The following MAPKAPK2 variants were observed in gnomAD, a reference collection of about 807,000 sequenced individuals.
MAPKAPK2 encodes the protein MAPK activated protein kinase 2.
MAPKAPK2 carries 9 observed loss-of-function variants against 48.8 expected under a neutral mutation model. That is an observed-to-expected ratio of 0.18 (90% CI 0.11 to 0.32). The LOEUF (loss-of-function observed/expected upper bound fraction) is 0.32, where lower values mean the gene tolerates loss of function less well. Among genes scored for constraint, MAPKAPK2 ranks in the 10% least tolerant of loss-of-function variants. The pLI is 1.00. For missense variants in MAPKAPK2, 331 were observed against 498.3 expected, an observed-to-expected ratio of 0.66 and a Z score of 3.20; for synonymous variants, 202 against 190.6, an observed-to-expected ratio of 1.06 and a Z score of -0.49.
chr1:206,707,576 T>C (rs1260216657), intron 1 of MAPKAPK2, among the ~76,000 whole-genome samples: 2 of 152,156 alleles, frequency 1.3e-5, no homozygotes, highest in Admixed American at 6.5e-5. Flanking sequence ...TAGCCCTCAC[T>C]GTGTTAATGG....
intron 1 of MAPKAPK2, among the ~76,000 whole-genome samples, chr1:206,714,658 G>A (rs1558582150): frequency 6.6e-6 from 1 of 151,062 alleles, no homozygotes; most frequent in Admixed American, 6.6e-5. Flanking sequence ...CCAGCCACTC[G>A]GGAGGCTGAG....
Position 206,711,792 on chromosome 1 carries a change from T to C in MAPKAPK2, c.280-16918T>C, listed in dbSNP as rs74941856. 9.1e-3 allele frequency among the ~76,000 whole-genome samples: 1,377 copies of C among 151,980 alleles called. 30 individuals carry two copies. Among genetic ancestry groups the C allele is most frequent in the African/African-American group, 0.031 (1,295 of 41,434 alleles). On this transcript the variant is annotated intron_variant, in intron 1 of 9. Transcript: ENST00000367103. ...GCCACCACACCCAGCTAGTTTTTTC[T>C]GTATTTTATTCGTAGAGACAGGGTT... is the stretch of plus-strand genomic sequence containing the variant.
intron 1 of MAPKAPK2, among the ~76,000 whole-genome samples, chr1:206,707,044 C>T (rs1553428690): frequency 6.6e-6 from 1 of 152,190 alleles, no homozygotes; most frequent in Non-Finnish European, 1.5e-5. Context: ...GAGGGAACGG[C>T]ACTGCAGCCG....
rs555434772 is a variant in MAPKAPK2, at chr1:206,712,723, T to G, written c.280-15987T>G. 1.7e-3 allele frequency among the ~76,000 whole-genome samples: 264 copies of G among 152,186 alleles called. 2 individuals carry two copies. Among genetic ancestry groups the G allele is most frequent in the Admixed American group, 0.016 (241 of 15,282 alleles). ...CATGCCTGCTGTAATCCCAGTATTT[T>G]GGGAGGCCGAGGTGGGTGAATGACT... On this transcript the variant is annotated intron_variant, in intron 1 of 9. Coordinates refer to ENST00000367103, the MANE Select transcript of MAPKAPK2 (RefSeq NM_032960.4).
rs1345589116 is a variant in MAPKAPK2 at position 206,685,019 on chromosome 1, A to AGGGC, written c.-209_-206dup. The AGGGC allele has an allele frequency of 2.7e-5, 4 of 148,258 alleles. No homozygotes were observed. Among genetic ancestry groups the AGGGC allele is most frequent in the Non-Finnish European group, 5.8e-5 (4 of 68,872 alleles). The allele number at this position is 148,258 out of a possible 1,614,324, so 9.2% of individuals were successfully genotyped here. Reference sequence around the variant, plus strand: ...GCCAGGCCCCCGGGGGGAGGGAGGGAGGGCGCCGGGCCGGTGGGAGCCAGC... The same window carrying AGGGC: ...GCCAGGCCCCCGGGGGGAGGGAGGGAGGGCGGGCGCCGGGCCGGTGGGAGCCAGC... On this transcript the variant is annotated 5_prime_UTR_variant, in exon 1 of 10. Transcript: ENST00000367103.
At chr1:206,722,147 T>A (rs1414450749) in intron 1 of MAPKAPK2, among the ~76,000 whole-genome samples, 2 of 149,350 alleles carry the variant, frequency 1.3e-5, no homozygotes, top group Non-Finnish European at 3.0e-5. Context: ...GATCACGAGG[T>A]CAGGAGATCG....
intron 1 of MAPKAPK2, among the ~76,000 whole-genome samples, chr1:206,686,038 G>A (rs1672276932): frequency 6.6e-6 from 1 of 152,180 alleles, no homozygotes; most frequent in Non-Finnish European, 1.5e-5. Flanking sequence ...CCTCGCGAGG[G>A]CAGCCGGGCC....
Position 206,685,503 on chromosome 1 carries a change from C to G in MAPKAPK2, c.274C>G (p.Leu92Val), listed in dbSNP as rs782468736. 1 of 1,526,918 alleles carries G rather than the reference C, an allele frequency of 6.5e-7. No homozygotes were observed. Among genetic ancestry groups the G allele is most frequent in the South Asian group, 1.2e-5 (1 of 86,242 alleles). The allele number at this position is 1,526,918 out of a possible 1,614,324, so 94.6% of individuals were successfully genotyped here. A position where few individuals can be genotyped will look rare whatever the true frequency, so the allele number is the denominator to read the frequency against. ...FNKRTQEKFA[L>V]KMLQDCPKAR... ...CAAGAGGACCCAGGAGAAATTCGCC[C>G]TCAAAGTAGGTCTGGGGCCCGGGGA... The change falls in exon 1 of 10, where the codon CTC becomes GTC. Residue 92 changes from leucine (L) to valine (V), a missense_variant. Physicochemically the swap from Leu to Val is conservative, Grantham distance 32. Coordinates refer to ENST00000367103, the MANE Select transcript of MAPKAPK2 (RefSeq NM_032960.4).
At chr1:206,716,462 G>A (rs1367930643) in intron 1 of MAPKAPK2, among the ~76,000 whole-genome samples, 10 of 152,116 alleles carry the variant, frequency 6.6e-5, no homozygotes, top group Admixed American at 2.6e-4. Flanking sequence ...AGTCTTAGGC[G>A]TGTGGAATTG....
intron 1 of MAPKAPK2, among the ~76,000 whole-genome samples, chr1:206,720,731 G>A (rs973432980): frequency 6.6e-6 from 1 of 152,086 alleles, no homozygotes; most frequent in Non-Finnish European, 1.5e-5. Context: ...CTGTACATAA[G>A]GGTTTGTAAC....
chr1:206,686,356 C>T (rs1422556091), intron 1 of MAPKAPK2, among the ~76,000 whole-genome samples: 1 of 152,230 alleles, frequency 6.6e-6, no homozygotes, highest in Non-Finnish European at 1.5e-5. Context: ...GAGCCCATCC[C>T]TTTTCTTTCT....
intron 1 of MAPKAPK2, among the ~76,000 whole-genome samples, chr1:206,719,845 A>G (rs1486011709): frequency 6.6e-6 from 1 of 152,134 alleles, no homozygotes; most frequent in Non-Finnish European, 1.5e-5. Flanking sequence ...GCAGCATCTT[A>G]TTTCTTTCCT....
At position 206,731,930 on chromosome 1, in the gene MAPKAPK2, C is replaced by T. The variant is rs1553432769; in HGVS notation, c.1059+11C>T. On this transcript the variant is annotated intron_variant, in intron 9 of 9. Coordinates refer to ENST00000367103, the MANE Select transcript of MAPKAPK2 (RefSeq NM_032960.4). The surrounding 1 kb of genome is among the most constrained non-coding windows in gnomAD (Gnocchi z 5.9). ...TGGGAGGATGTCAAGGTGAGGGGCA[C>T]CACTGGGTGAGAGGGGCTCCAGGTG... 1.9e-6 allele frequency: 3 copies of T among 1,614,136 alleles called. No homozygotes were observed. The highest frequency in any genetic ancestry group is 2.7e-5 in the African/African-American group (2 of 75,024).
chr1:206,728,318 C>CTAGCCCCCTTTCCAA, intron 1 of MAPKAPK2, among the ~76,000 whole-genome samples: 2 of 152,298 alleles, frequency 1.3e-5, no homozygotes, highest in African/African-American at 4.8e-5. Flanking sequence ...TCTCTTCTCT[C>CTAGCCCCCTTTCCAA]TAGCCCCCTT....
At chr1:206,686,451 A>G (rs1273405957) in intron 1 of MAPKAPK2, among the ~76,000 whole-genome samples, 2 of 152,194 alleles carry the variant, frequency 1.3e-5, no homozygotes, top group African/African-American at 2.4e-5. Flanking sequence ...GGGAGGTCTC[A>G]TGAGATGGGT....
chr1:206,687,599 TATCCAAATATTG>T lies in MAPKAPK2; in HGVS notation c.279+2092_279+2103del, dbSNP rs1192865166. Among the ~76,000 whole-genome samples, 3 of 152,352 alleles carry T rather than the reference TATCCAAATATTG, an allele frequency of 2.0e-5. No homozygotes were observed. In the East Asian group the frequency reaches 5.8e-4, roughly 29 times the overall value. ...GACAGCAGTGTTAACAGCACTTCCA[TATCCAAATATTG>T]GCTGAGACATAATTACAGCTGTGGG... On this transcript the variant is annotated intron_variant, in intron 1 of 9. Transcript: ENST00000367103.
chr1:206,702,533 C>T (rs1270176233), intron 1 of MAPKAPK2, among the ~76,000 whole-genome samples: 1 of 152,256 alleles, frequency 6.6e-6, no homozygotes, highest in Non-Finnish European at 1.5e-5. Flanking sequence ...GTGTCTGCCT[C>T]TCTGCATCCT....
intron 1 of MAPKAPK2, among the ~76,000 whole-genome samples, chr1:206,721,556 T>G (rs1224760194): frequency 1.3e-5 from 2 of 152,168 alleles, no homozygotes; most frequent in Non-Finnish European, 1.5e-5. Context: ...GTTGCTGTTG[T>G]GGACAGTCTT....
intron 1 of MAPKAPK2, among the ~76,000 whole-genome samples, chr1:206,713,177 A>G (rs1673213947): frequency 6.6e-6 from 1 of 152,220 alleles, no homozygotes; most frequent in African/African-American, 2.4e-5. Context: ...AAACCGTTTT[A>G]TAAATCCCAC....
Sources: gnomAD v4.1 joint callset for allele counts (sites outside exome capture counted in the v4.1 genomes callset) on GRCh38, gnomAD v4.1.1 for gene constraint, Gnocchi (gnomAD v3.1) non-coding constraint, MANE v1.5 for transcripts, NCBI Gene and HGNC (gene_info 2026-07-23, HGNC 2026-07-21) for gene names.